The following IGFL4 variants were observed in gnomAD, a reference collection of about 807,000 sequenced individuals.
The protein encoded by IGFL4 is IGF like family member 4.
In IGFL4, 12 loss-of-function variants were observed where a neutral mutation model predicts 15.4. That is an observed-to-expected ratio of 0.78 (90% CI 0.50 to 1.26). The LOEUF (loss-of-function observed/expected upper bound fraction) is 1.26. IGFL4 is among the 50% of genes most tolerant of loss of function. IGFL4 has a pLI of 0.00. For synonymous variants in IGFL4, 54 were observed against 55.9 expected (o/e 0.97, Z 0.16); for missense variants, 126 against 147.8 (o/e 0.85, Z 0.76).
chr19:46,043,767 C>T (rs926871269), upstream of IGFL4, among the ~76,000 whole-genome samples: 1 of 152,006 alleles, frequency 6.6e-6, no homozygotes, highest in African/African-American at 2.4e-5. Context: ...CCAAAGCTTA[C>T]ACTTCCTACA....
At chr19:46,054,026 GT>G (rs2146518116) in intron 2 of IGFL4, among the ~76,000 whole-genome samples, 1 of 152,238 alleles carries the variant, frequency 6.6e-6, no homozygotes, top group South Asian at 2.1e-4. Flanking sequence ...TTAATGCCTA[GT>G]CAGATGAATA....
chr19:46,068,843 G>T (rs1022366719), intron 1 of IGFL4, among the ~76,000 whole-genome samples: 4 of 152,178 alleles, frequency 2.6e-5, no homozygotes, highest in African/African-American at 9.7e-5. Context: ...AATCACATTC[G>T]GGATTTTGCA....
chr19:46,049,803 A>G (rs942349343), intron 2 of IGFL4, among the ~76,000 whole-genome samples: 2 of 152,160 alleles, frequency 1.3e-5, no homozygotes, highest in African/African-American at 2.4e-5. Flanking sequence ...TCCTCCCCAC[A>G]CAACCACAGC....
At chr19:46,066,568 T>C (rs713410) in intron 1 of IGFL4, among the ~76,000 whole-genome samples, 49,370 of 152,152 alleles carry the variant, frequency 0.32, 8,317 homozygotes, top group African/African-American at 0.41. Flanking sequence ...TCAGGCTATA[T>C]AGGAAGCATG....
chr19:46,056,720 G>A (rs769590950), intron 2 of IGFL4, among the ~76,000 whole-genome samples: 7 of 152,328 alleles, frequency 4.6e-5, no homozygotes, highest in East Asian at 1.9e-4. Flanking sequence ...CTGCAAGCCC[G>A]TCCAGGCAAG....
chr19:46,061,971 C>T (rs1479772815), intron 1 of IGFL4, among the ~76,000 whole-genome samples: 1 of 152,170 alleles, frequency 6.6e-6, no homozygotes, highest in East Asian at 1.9e-4. Flanking sequence ...TCACATAACA[C>T]AATGCGAAAC....
chr19:46,049,601 A>G (rs904597823), intron 2 of IGFL4, among the ~76,000 whole-genome samples: 78 of 152,204 alleles, frequency 5.1e-4, no homozygotes, highest in African/African-American at 1.9e-3. Flanking sequence ...CCCATCCCCT[A>G]TAGCAGCCAC....
intron 1 of IGFL4, among the ~76,000 whole-genome samples, chr19:46,073,067 A>G (rs1420198988): frequency 6.6e-6 from 1 of 152,184 alleles, no homozygotes; most frequent in Admixed American, 6.5e-5. Context: ...GGAGGGGACT[A>G]CCAACAAAAC....
At chr19:46,049,542 A>G (rs1969326330) in intron 2 of IGFL4, among the ~76,000 whole-genome samples, 1 of 152,118 alleles carries the variant, frequency 6.6e-6, no homozygotes, top group Non-Finnish European at 1.5e-5. Context: ...CAGCAGAGAT[A>G]GCCATAATTC....
At chr19:46,068,964 G>A (rs1388940981) in intron 1 of IGFL4, among the ~76,000 whole-genome samples, 2 of 152,188 alleles carry the variant, frequency 1.3e-5, no homozygotes, top group East Asian at 1.9e-4. Context: ...TGTGATTAGG[G>A]ACAGGAGAGC....
chr19:46,039,866 C>A lies in IGFL4; in HGVS notation c.*26G>T, dbSNP rs190278409. The A allele has an allele frequency of 1.3e-6, 2 of 1,578,486 alleles. No individual in the cohort carries two copies. The highest frequency in any genetic ancestry group is 1.3e-5 in the African/African-American group (1 of 74,154). On this transcript the variant is annotated 3_prime_UTR_variant, in exon 4 of 4. Coordinates refer to ENST00000377697, the MANE Select transcript of IGFL4 (RefSeq NM_001002923.3). ...ACCAAGTATTAGATTCTAGAGTGAT[C>A]TGTGACTCTGCTACCCCAGAACAGT...
Position 46,040,196 on chromosome 19 carries a change from T to C in IGFL4, c.291A>G (p.Pro97=). The change falls in exon 3 of 4, where the codon CCA becomes CCG. Residue 97 remains proline (P), a synonymous_variant. Transcript: ENST00000377697. The surrounding 1 kb of genome is among the most constrained non-coding windows in gnomAD (Gnocchi z 4.1). ...VVRFKVPGMK[P]DCKSSPITRI... ...TGGTGATAGGGGAGGACTTGCAATC[T>C]GGCTTCATGCCTGGGACCTTGAACC... The C allele has an allele frequency of 6.2e-7, 1 of 1,614,108 alleles. No individual in the cohort carries two copies. Among genetic ancestry groups the C allele is most frequent in the South Asian group, 1.1e-5 (1 of 91,084 alleles).
At chr19:46,076,493 C>T (rs965806423) in intron 1 of IGFL4, among the ~76,000 whole-genome samples, 7 of 152,112 alleles carry the variant, frequency 4.6e-5, no homozygotes, top group Admixed American at 4.6e-4. Flanking sequence ...ATTTTCTGTT[C>T]CAGATCTAGA....
chr19:46,053,028 G>A (rs953644447), intron 2 of IGFL4, among the ~76,000 whole-genome samples: 1 of 150,784 alleles, frequency 6.6e-6, no homozygotes, highest in Non-Finnish European at 1.5e-5. Flanking sequence ...CAGTAAACAT[G>A]CCAACGGAGG....
Position 46,053,881 on chromosome 19 carries a change from T to A in IGFL4, c.-323+6304A>T, listed in dbSNP as rs553431392. ...TTCCCTGATGATTAGTGATGTTGAG[T>A]AGTTTTTTCATATATCTGTTGCCCA... On this transcript the variant is annotated intron_variant, in intron 2 of 5. Transcript: ENST00000601672. Among the ~76,000 whole-genome samples the A allele has an allele frequency of 3.9e-5, 6 of 152,276 alleles. 1 individual carries two copies. The South Asian group carries it at 1.2e-3, about 32-fold the overall frequency.
At chr19:46,074,230 A>G (rs757551782) in intron 1 of IGFL4, among the ~76,000 whole-genome samples, 3 of 151,816 alleles carry the variant, frequency 2.0e-5, no homozygotes, top group Non-Finnish European at 2.9e-5. Flanking sequence ...CTCCCAAGAA[A>G]TCTGTATTAG....
chr19:46,039,916 AG>A lies in IGFL4; in HGVS notation c.350del (p.Pro117LeufsTer23), dbSNP rs1307825534. ...TCTAGATGAGGTCAGATCTTGACAC[AG>A]GGCTTTTTGGGTGGTATTCCTGCAG... ...ICAQEYHPKS[P>X]VSRSDLI On this transcript the variant is annotated frameshift_variant, in exon 4 of 4. Coordinates refer to ENST00000377697, the MANE Select transcript of IGFL4 (RefSeq NM_001002923.3). LOFTEE classifies it high-confidence loss of function. The A allele has an allele frequency of 6.2e-7, 1 of 1,613,280 alleles. No homozygotes were observed. Among genetic ancestry groups the A allele is most frequent in the Non-Finnish European group, 8.5e-7 (1 of 1,179,332 alleles).
intron 1 of IGFL4, among the ~76,000 whole-genome samples, chr19:46,069,183 A>C (rs1199903049): frequency 6.6e-6 from 1 of 152,200 alleles, no homozygotes; most frequent in East Asian, 1.9e-4. Context: ...CCCACCTCAG[A>C]GGCCAGGCAC....
At chr19:46,074,001 A>G (rs919757853) in intron 1 of IGFL4, among the ~76,000 whole-genome samples, 8 of 151,958 alleles carry the variant, frequency 5.3e-5, no homozygotes, top group Non-Finnish European at 1.2e-4. Flanking sequence ...TCTCTAATAC[A>G]TTACTTGGGA....
Sources: allele counts gnomAD v4.1 joint callset (sites outside exome capture counted in the v4.1 genomes callset), GRCh38; gene constraint gnomAD v4.1.1; non-coding constraint Gnocchi (gnomAD v3.1); transcripts MANE v1.5; gene names NCBI Gene and HGNC (gene_info 2026-07-23, HGNC 2026-07-21).